SLC41A2: variants seen among roughly 807,000 people sequenced by gnomAD.
SLC41A2 encodes the protein SLC41A1-like 1.
Under a neutral mutation model 58.3 loss-of-function variants are expected in SLC41A2, and 32 were observed. The observed-to-expected ratio is 0.55, with a 90% CI of 0.41 to 0.74. The LOEUF is 0.74. SLC41A2 is among the 30% of genes least tolerant of loss of function. SLC41A2 has a pLI of 0.00. For missense variants in SLC41A2, 514 were observed against 680.6 expected (o/e 0.76, Z 2.72); for synonymous variants, 190 against 235.0 (o/e 0.81, Z 1.75).
chr12:104,825,661 A>G (rs1163346981), intron 10 of SLC41A2, among the ~76,000 whole-genome samples: 1 of 152,198 alleles, frequency 6.6e-6, no homozygotes, highest in Non-Finnish European at 1.5e-5. Context: ...AGACACTCTA[A>G]ACAGATACAA....
intron 1 of SLC41A2, among the ~76,000 whole-genome samples, chr12:104,955,635 C>CTT (rs141198362): frequency 0.076 from 11,475 of 151,956 alleles, 495 homozygotes; most frequent in Middle Eastern, 0.1. Context: ...CCTGAATAGA[C>CTT]TTTTTTTTAC....
chr12:104,901,603 G>T (rs143399637), intron 3 of SLC41A2, among the ~76,000 whole-genome samples: 29 of 152,010 alleles, frequency 1.9e-4, no homozygotes, highest in African/African-American at 6.5e-4. Flanking sequence ...AGGCTGGAGT[G>T]CAGTGGCCCC....
At chr12:104,897,144 C>CTTTTTTTTTTTTT (rs71440558) in intron 3 of SLC41A2, among the ~76,000 whole-genome samples, 7 of 120,286 alleles carry the variant, frequency 5.8e-5, no homozygotes, top group Non-Finnish European at 8.3e-5. Context: ...TTTCTTTTTT[C>CTTTTTTTTTTTTT]TTTTTTTTTT....
intron 2 of SLC41A2, among the ~76,000 whole-genome samples, chr12:104,916,485 T>C (rs1170604143): frequency 1.3e-5 from 2 of 152,118 alleles, no homozygotes; most frequent in African/African-American, 4.8e-5. Context: ...TTAAAGTTCA[T>C]ATGGAACCAA....
chr12:104,842,893 C>T (rs2042465746), intron 10 of SLC41A2, among the ~76,000 whole-genome samples: 1 of 152,004 alleles, frequency 6.6e-6, no homozygotes. Context: ...GGTAGAGTTG[C>T]AAATAGGAAT....
chr12:104,933,584 G>A (rs1349667320), intron 1 of SLC41A2, among the ~76,000 whole-genome samples: 1 of 147,874 alleles, frequency 6.8e-6, no homozygotes, highest in East Asian at 2.1e-4. Context: ...GCACGCGTAT[G>A]TTTATCTGTT....
intron 2 of SLC41A2, among the ~76,000 whole-genome samples, chr12:104,916,506 G>A (rs1347015431): frequency 5.3e-5 from 8 of 151,794 alleles, no homozygotes; most frequent in Non-Finnish European, 1.2e-4. Flanking sequence ...AAAAGAGCCC[G>A]CATCGCCAAG....
At chr12:104,878,162 C>T (rs969002813) in intron 6 of SLC41A2, among the ~76,000 whole-genome samples, 4 of 151,710 alleles carry the variant, frequency 2.6e-5, no homozygotes, top group Admixed American at 1.3e-4. Context: ...CATTCTTCAA[C>T]GGCATTCTCT....
At chr12:104,866,012 T>C (rs1593025561) in intron 7 of SLC41A2, among the ~76,000 whole-genome samples, 1 of 152,264 alleles carries the variant, frequency 6.6e-6, no homozygotes, top group Admixed American at 6.5e-5. Context: ...GTCCTAGATA[T>C]GGAAGTAGCC....
intron 10 of SLC41A2, among the ~76,000 whole-genome samples, chr12:104,838,825 T>A (rs1417320093): frequency 6.6e-6 from 1 of 152,186 alleles, no homozygotes; most frequent in Non-Finnish European, 1.5e-5. Flanking sequence ...TAAGAGAAGA[T>A]TCTTAAGGGC....
intron 10 of SLC41A2, among the ~76,000 whole-genome samples, chr12:104,812,664 C>G (rs1449913754): frequency 2.0e-5 from 3 of 151,798 alleles, no homozygotes; most frequent in African/African-American, 7.3e-5. Context: ...ATGGAAGAGG[C>G]AACATAACAG....
intron 10 of SLC41A2, among the ~76,000 whole-genome samples, chr12:104,835,519 CATTTTCT>C (rs1270483349): frequency 2.6e-5 from 4 of 152,144 alleles, no homozygotes; most frequent in Non-Finnish European, 4.4e-5. Flanking sequence ...GCTGAAACGG[CATTTTCT>C]ATGGATTCCA....
intron 2 of SLC41A2, 136 bp from the exon 3 acceptor site, chr12:104,909,898 A>G: frequency 1.7e-6 from 1 of 582,232 alleles, no homozygotes; most frequent in Non-Finnish European, 3.0e-6. Context: ...TCATGTAATC[A>G]GCGAGCACTT....
At chr12:104,874,321 G>A (rs1316746705) in intron 6 of SLC41A2, among the ~76,000 whole-genome samples, 7 of 151,958 alleles carry the variant, frequency 4.6e-5, no homozygotes, top group Admixed American at 3.9e-4. Flanking sequence ...TGATCCACCC[G>A]CCTCGGCCTC....
chr12:104,834,120 A>G, intron 10 of SLC41A2: 1 of 985,408 alleles, frequency 1.0e-6, no homozygotes, highest in South Asian at 4.7e-5. Flanking sequence ...CTGTGCCTCC[A>G]ATAAAGCAGA....
At chr12:104,900,901 A>T (rs1053339289) in intron 3 of SLC41A2, among the ~76,000 whole-genome samples, 4 of 152,180 alleles carry the variant, frequency 2.6e-5, no homozygotes, top group African/African-American at 9.7e-5. Context: ...CATTTTGCCA[A>T]CTTCTTCATA....
chr12:104,889,660 G>A (rs111672083), intron 4 of SLC41A2, among the ~76,000 whole-genome samples: 32 of 152,244 alleles, frequency 2.1e-4, no homozygotes, highest in African/African-American at 7.7e-4. Flanking sequence ...TATGTATAAT[G>A]TGCTATGTTT....
chr12:104,904,936 C>A (rs967543452), intron 3 of SLC41A2, among the ~76,000 whole-genome samples: 3 of 152,108 alleles, frequency 2.0e-5, no homozygotes, highest in Non-Finnish European at 4.4e-5. Context: ...GGGACCCAAG[C>A]GGGTTACCAA....
At chr12:104,873,107 C>A (rs945886189) in intron 6 of SLC41A2, among the ~76,000 whole-genome samples, 1 of 152,124 alleles carries the variant, frequency 6.6e-6, no homozygotes, top group African/African-American at 2.4e-5. Context: ...CATTGGATCT[C>A]TAGATTTTTT....
Sources: allele counts gnomAD v4.1 joint callset (sites outside exome capture counted in the v4.1 genomes callset), GRCh38; gene constraint gnomAD v4.1.1; transcripts MANE v1.5; gene names NCBI Gene and HGNC (gene_info 2026-07-23, HGNC 2026-07-21).